Variants in SYT17 observed in about 807,000 individuals in gnomAD.
SYT17 encodes the protein synaptotagmin-17.
Under a neutral mutation model 46.7 loss-of-function variants are expected in SYT17, and 22 were observed. The ratio of observed to expected loss-of-function variants is 0.47; its 90% CI spans 0.34 to 0.67. SYT17 has a LOEUF of 0.67. SYT17 is among the 30% of genes least tolerant of loss of function. The pLI is 0.01. For missense variants in SYT17, 519 were observed against 612.8 expected (o/e 0.85, Z 1.62); for synonymous variants, 251 against 248.4 (o/e 1.01, Z -0.10).
At chr16:19,249,180 A>G (rs761688462) in intron 7 of SYT17, among the ~76,000 whole-genome samples, 4 of 152,110 alleles carry the variant, frequency 2.6e-5, no homozygotes, top group Non-Finnish European at 4.4e-5. Context: ...AGGCTGAGGC[A>G]GGAGAATGGT....
chr16:19,225,520 C>A (rs1022381218), intron 7 of SYT17, among the ~76,000 whole-genome samples: 17 of 152,264 alleles, frequency 1.1e-4, no homozygotes, highest in African/African-American at 3.6e-4. Context: ...CTCATAGTCC[C>A]TGTGGGTCAG....
At chr16:19,203,131 T>C (rs564329930) in intron 5 of SYT17, among the ~76,000 whole-genome samples, 6 of 152,288 alleles carry the variant, frequency 3.9e-5, no homozygotes, top group African/African-American at 1.4e-4. Flanking sequence ...TTTACTGTCA[T>C]ATATTATGAG....
intron 3 of SYT17, chr16:19,180,066 G>T (rs13336280): frequency 3.5e-6 from 1 of 282,890 alleles, no homozygotes; most frequent in South Asian, 5.5e-5. Context: ...ACAGGTCTCG[G>T]GCTTCACTGA....
intron 7 of SYT17, among the ~76,000 whole-genome samples, chr16:19,228,459 T>C (rs2142894299): frequency 6.6e-6 from 1 of 152,316 alleles, no homozygotes; most frequent in East Asian, 1.9e-4. Flanking sequence ...TCAGGGATTC[T>C]CAACCCTGGC....
At chr16:19,170,400 C>T (rs747774374) in intron 1 of SYT17, 3 of 151,868 alleles carry the variant, frequency 2.0e-5, no homozygotes, top group Non-Finnish European at 1.5e-5. Context: ...GATCTGCGAG[C>T]CTTAGTTTGC....
rs1963951962 is a variant in SYT17, at chr16:19,168,502, C to A, written c.-145C>A. 1 of 1,140,560 alleles carries A rather than the reference C, an allele frequency of 8.8e-7. No individual in the cohort carries two copies. The allele number at this position is 1,140,560 out of a possible 1,614,324, so 70.7% of individuals were successfully genotyped here. Reference sequence around the variant, plus strand: ...GGCCGGCGGAGGGGCGGGCGCCGCTCATCAGCCACGCCAGTCACGTCTGGG... The same window carrying A: ...GGCCGGCGGAGGGGCGGGCGCCGCTAATCAGCCACGCCAGTCACGTCTGGG... On this transcript the variant is annotated 5_prime_UTR_variant, in exon 1 of 8. Coordinates refer to ENST00000355377, the MANE Select transcript of SYT17 (RefSeq NM_016524.4). The surrounding 1 kb of genome is among the most constrained non-coding windows in gnomAD (Gnocchi z 6.9).
intron 5 of SYT17, among the ~76,000 whole-genome samples, chr16:19,191,493 T>G (rs1028842856): frequency 6.6e-6 from 1 of 152,208 alleles, no homozygotes; most frequent in Admixed American, 6.5e-5. Context: ...GATCTTGGAC[T>G]TCCCAGCCTC....
chr16:19,216,300 C>A (rs1966091537), intron 5 of SYT17, among the ~76,000 whole-genome samples: 1 of 152,142 alleles, frequency 6.6e-6, no homozygotes, highest in African/African-American at 2.4e-5. Context: ...GACCATGCCC[C>A]TCCCAAGAAT....
At position 19,250,150 on chromosome 16, in the gene SYT17, T is replaced by A. The variant is rs1027291623; in HGVS notation, c.1229-16730T>A. 4 of 1,395,434 alleles carry A rather than the reference T, an allele frequency of 2.9e-6. No individual in the cohort carries two copies. The African/African-American group carries it at 5.8e-5, about 20-fold the overall frequency. 86.4% of individuals were successfully genotyped at this position (1,395,434 alleles called of 1,614,324 possible). The stretch of plus-strand genomic sequence containing the variant: ...CATTTTATTTAAAAATTTTTTAACA[T>A]ATTGAAAGAATTGTCCCATGAACAC... On this transcript the variant is annotated intron_variant, in intron 7 of 7. Transcript: ENST00000355377.
At chr16:19,261,456 T>A (rs1326114091) in intron 7 of SYT17, among the ~76,000 whole-genome samples, 2 of 152,270 alleles carry the variant, frequency 1.3e-5, no homozygotes, top group African/African-American at 4.8e-5. Flanking sequence ...CAAGTTACTT[T>A]ACAAATTGGG....
At position 19,267,956 on chromosome 16, in the gene SYT17, G is replaced by GTGTGTT. The variant is rs1327147180; in HGVS notation, c.*885_*886insTTGTGT. The GTGTGTT allele has an allele frequency of 8.5e-6, 1 of 117,616 alleles. No homozygotes were observed. The highest frequency in any genetic ancestry group is 1.8e-5 in the Non-Finnish European group (1 of 54,226). The allele number at this position is 117,616 out of a possible 1,614,324, so 7.3% of individuals were successfully genotyped here. On this transcript the variant is annotated 3_prime_UTR_variant, in exon 8 of 8. Coordinates refer to ENST00000355377, the MANE Select transcript of SYT17 (RefSeq NM_016524.4). ...AAAAGTAGTGTGTGTGTGTGTGTGT[G>GTGTGTT]TGTGTGTGTGTGTGTGTAAAGTAAA...
At chr16:19,244,242 G>C (rs1967360825) in intron 7 of SYT17, among the ~76,000 whole-genome samples, 4 of 152,340 alleles carry the variant, frequency 2.6e-5, no homozygotes, top group Admixed American at 2.6e-4. Context: ...AAAGCTAGAA[G>C]TCACTGTATC....
chr16:19,250,140 T>A (rs1967935761), intron 7 of SYT17: 1 of 1,414,736 alleles, frequency 7.1e-7, no homozygotes, highest in Non-Finnish European at 9.2e-7. Flanking sequence ...TATTTAAAAA[T>A]TTTTTAACAT....
At chr16:19,216,009 C>G (rs1966083497) in intron 5 of SYT17, among the ~76,000 whole-genome samples, 1 of 152,162 alleles carries the variant, frequency 6.6e-6, no homozygotes, top group African/African-American at 2.4e-5. Flanking sequence ...ATGGGAAAGA[C>G]TTGCCTCCAT....
At chr16:19,175,361 A>C (rs1023241210) in intron 3 of SYT17, among the ~76,000 whole-genome samples, 1 of 151,948 alleles carries the variant, frequency 6.6e-6, no homozygotes, top group African/African-American at 2.4e-5. Context: ...ATTAATCAAG[A>C]GATAATTCAC....
chr16:19,212,923 A>G (rs1356710245), intron 5 of SYT17, among the ~76,000 whole-genome samples: 1 of 152,198 alleles, frequency 6.6e-6, no homozygotes, highest in Non-Finnish European at 1.5e-5. Context: ...TCTTAGCTGG[A>G]TCTTTCTGGG....
intron 7 of SYT17, among the ~76,000 whole-genome samples, chr16:19,238,496 C>T (rs994868423): frequency 6.6e-6 from 1 of 152,236 alleles, no homozygotes; most frequent in African/African-American, 2.4e-5. Context: ...CCTGAGAGCT[C>T]CTTGAATCTG....
chr16:19,230,568 C>T (rs763489369), intron 7 of SYT17, among the ~76,000 whole-genome samples: 1 of 152,214 alleles, frequency 6.6e-6, no homozygotes, highest in South Asian at 2.1e-4. Flanking sequence ...AAGCTTCAGC[C>T]CGGCAGATCC....
intron 7 of SYT17, among the ~76,000 whole-genome samples, chr16:19,259,171 G>A (rs188901730): frequency 4.1e-4 from 63 of 152,278 alleles, no homozygotes; most frequent in African/African-American, 5.1e-4. Flanking sequence ...GAGATTAAGC[G>A]AAATCAGAAG....
Sources: gnomAD v4.1 joint callset for allele counts (sites outside exome capture counted in the v4.1 genomes callset) on GRCh38, gnomAD v4.1.1 for gene constraint, Gnocchi (gnomAD v3.1) non-coding constraint, MANE v1.5 for transcripts, NCBI Gene and HGNC (gene_info 2026-07-23, HGNC 2026-07-21) for gene names.